The following RFTN2 variants were observed in gnomAD, a reference collection of about 807,000 sequenced individuals.
RFTN2 encodes the protein raftlin family member 2, also known as raftlin-2.
A neutral mutation model predicts 52.7 loss-of-function variants in RFTN2; 34 were observed. The ratio of observed to expected loss-of-function variants is 0.64; its 90% CI spans 0.49 to 0.86. The LOEUF (loss-of-function observed/expected upper bound fraction) is 0.86, where lower values mean the gene tolerates loss of function less well. Among genes scored for constraint, RFTN2 ranks in the 40% least tolerant of loss-of-function variants. RFTN2 has a pLI of 0.00. For missense variants in RFTN2, 536 were observed against 600.1 expected (o/e 0.89, Z 1.12); for synonymous variants, 203 against 217.7 (o/e 0.93, Z 0.59).
Position 197,571,065 on chromosome 2 carries a change from A to C in RFTN2, c.*943T>G, listed in dbSNP as rs575717899. On this transcript the variant is annotated 3_prime_UTR_variant, in exon 9 of 9. Coordinates refer to ENST00000295049, the MANE Select transcript of RFTN2 (RefSeq NM_144629.3). ...GATGAAACAAAATATGTTATCATAC[A>C]TATCGCGTGTGCTATGAGCATCTTT... 6.6e-6 allele frequency: 1 copy of C among 152,468 alleles called. No homozygotes were observed. The highest frequency in any genetic ancestry group is 2.1e-4 in the South Asian group (1 of 4,826). The allele number at this position is 152,468 out of a possible 1,614,324, so 9.4% of individuals were successfully genotyped here. A position where few individuals can be genotyped will look rare whatever the true frequency, so the allele number is the denominator to read the frequency against.
intron 7 of RFTN2, among the ~76,000 whole-genome samples, chr2:197,601,454 A>G (rs899671409): frequency 7.2e-5 from 11 of 152,244 alleles, no homozygotes; most frequent in African/African-American, 2.6e-4. Context: ...AGGTGTGCAG[A>G]GCAGACATTT....
chr2:197,568,332 A>G lies in RFTN2; in HGVS notation c.*3676T>C, dbSNP rs1361301884. ...CATGTTTAGAACCCATTTCTTTTGCAGTCGTCTTCACCAAAACTTTATGAA... is the reference window on the plus strand; with the variant it reads ...CATGTTTAGAACCCATTTCTTTTGCGGTCGTCTTCACCAAAACTTTATGAA... On this transcript the variant is annotated 3_prime_UTR_variant, in exon 9 of 9. Transcript: ENST00000295049. 1 of 152,194 alleles carries G rather than the reference A, an allele frequency of 6.6e-6. No homozygotes were observed. Among genetic ancestry groups the G allele is most frequent in the East Asian group, 1.9e-4 (1 of 5,206 alleles). 9.4% of individuals were successfully genotyped at this position (152,194 alleles called of 1,614,324 possible).
At chr2:197,624,050 C>A (rs921437755) in intron 5 of RFTN2, among the ~76,000 whole-genome samples, 1 of 152,222 alleles carries the variant, frequency 6.6e-6, no homozygotes, top group East Asian at 1.9e-4. Context: ...CCTCCCGCCT[C>A]GGCCTCCCAA....
At chr2:197,669,392 T>A (rs899696291) in intron 1 of RFTN2, among the ~76,000 whole-genome samples, 12 of 151,488 alleles carry the variant, frequency 7.9e-5, no homozygotes, top group East Asian at 3.9e-4. Context: ...TTTTTTCAAA[T>A]TTTTTTGGGG....
chr2:197,593,338 T>C (rs2087746826), intron 8 of RFTN2, among the ~76,000 whole-genome samples: 1 of 152,006 alleles, frequency 6.6e-6, no homozygotes, highest in Non-Finnish European at 1.5e-5. Flanking sequence ...CTCAGGAGTT[T>C]GAGACCAGAC....
intron 5 of RFTN2, among the ~76,000 whole-genome samples, chr2:197,623,623 C>T (rs756308398): frequency 1.1e-4 from 16 of 152,076 alleles, no homozygotes; most frequent in South Asian, 8.3e-4. Flanking sequence ...GGACCGCAGG[C>T]GTGCACCACC....
chr2:197,596,693 A>T (rs1189974139), intron 7 of RFTN2, among the ~76,000 whole-genome samples: 1 of 152,206 alleles, frequency 6.6e-6, no homozygotes, highest in Non-Finnish European at 1.5e-5. Flanking sequence ...TATTAGGTCA[A>T]ATCTTATGAT....
At chr2:197,665,533 T>TTTTTTTTTTTTTTTTTTTTG (rs2089041098) in intron 1 of RFTN2, among the ~76,000 whole-genome samples, 1 of 131,824 alleles carries the variant, frequency 7.6e-6, no homozygotes. Context: ...TTTTTTTTTT[T>TTTTTTTTTTTTTTTTTTTTG]ACTGTTTTCG....
chr2:197,641,172 A>G (rs2088667263), intron 3 of RFTN2, among the ~76,000 whole-genome samples: 1 of 152,248 alleles, frequency 6.6e-6, no homozygotes, highest in African/African-American at 2.4e-5. Flanking sequence ...GAGAAAAGCC[A>G]GGAAGAACTG....
chr2:197,636,095 A>G (rs1395848702), intron 3 of RFTN2, among the ~76,000 whole-genome samples: 1 of 151,566 alleles, frequency 6.6e-6, no homozygotes, highest in East Asian at 1.9e-4. Context: ...CCATTGATCT[A>G]TATCTCTTGT....
rs2087305608 is a variant in RFTN2 at position 197,570,878 on chromosome 2, AT to A, written c.*1129del. On this transcript the variant is annotated 3_prime_UTR_variant, in exon 9 of 9. Transcript: ENST00000295049. The stretch of plus-strand genomic sequence containing the variant: ...TTAATAAAAATATATAATAGGCTGA[AT>A]TCATCAATGATAGAATAAGTTGTAA... The A allele has an allele frequency of 6.6e-6, 1 of 152,288 alleles. No individual in the cohort carries two copies. The highest frequency in any genetic ancestry group is 2.4e-5 in the African/African-American group (1 of 41,480). 9.4% of individuals were successfully genotyped at this position (152,288 alleles called of 1,614,324 possible).
intron 1 of RFTN2, among the ~76,000 whole-genome samples, chr2:197,650,222 C>G (rs2106256358): frequency 1.3e-5 from 2 of 152,136 alleles, no homozygotes; most frequent in South Asian, 4.2e-4. Context: ...AAACAAATCT[C>G]CAGAACTTTT....
At chr2:197,654,293 G>A (rs2088864078) in intron 1 of RFTN2, among the ~76,000 whole-genome samples, 1 of 152,148 alleles carries the variant, frequency 6.6e-6, no homozygotes, top group South Asian at 2.1e-4. Context: ...GGCTGAGGTG[G>A]GAGGATCGCT....
chr2:197,642,000 G>A (rs571351991), intron 3 of RFTN2, among the ~76,000 whole-genome samples: 1 of 152,202 alleles, frequency 6.6e-6, no homozygotes, highest in South Asian at 2.1e-4. Context: ...CTACATTTTT[G>A]TTTTCAAATG....
At chr2:197,605,040 A>C (rs1172882684) in intron 7 of RFTN2, among the ~76,000 whole-genome samples, 1 of 152,180 alleles carries the variant, frequency 6.6e-6, no homozygotes, top group Non-Finnish European at 1.5e-5. Flanking sequence ...TATAGATGTC[A>C]GCCACCACAC....
chr2:197,584,843 G>C (rs1301547452), intron 8 of RFTN2, among the ~76,000 whole-genome samples: 1 of 152,114 alleles, frequency 6.6e-6, no homozygotes. Context: ...CCTCCAGCAG[G>C]CTAGACAGGA....
intron 1 of RFTN2, among the ~76,000 whole-genome samples, chr2:197,665,099 G>A (rs549882682): frequency 1.3e-5 from 2 of 152,066 alleles, no homozygotes; most frequent in Non-Finnish European, 2.9e-5. Context: ...TCAGCATCAC[G>A]CAATATCCCG....
chr2:197,627,640 G>C, intron 5 of RFTN2, among the ~76,000 whole-genome samples: 1 of 152,148 alleles, frequency 6.6e-6, no homozygotes, highest in East Asian at 1.9e-4. Flanking sequence ...TCAAAATGTA[G>C]CCTTAAGATG....
At position 197,670,344 on chromosome 2, in the gene RFTN2, A is replaced by G. The variant is rs574884010; in HGVS notation, c.139+4976T>C. Among the ~76,000 whole-genome samples the G allele has an allele frequency of 4.6e-5, 7 of 152,248 alleles. No homozygotes were observed. The South Asian group carries it at 8.3e-4, about 18-fold the overall frequency. On this transcript the variant is annotated intron_variant, in intron 1 of 8. Transcript: ENST00000295049. ...TTGGGCTATTACAAACAACACTTCT[A>G]TGAACATTCTTGTAGTGCCTCATGA...
Sources: allele counts gnomAD v4.1 joint callset (sites outside exome capture counted in the v4.1 genomes callset), GRCh38; gene constraint gnomAD v4.1.1; transcripts MANE v1.5; gene names NCBI Gene and HGNC (gene_info 2026-07-23, HGNC 2026-07-21).